The following GRIA4 variants were observed in gnomAD, a reference collection of about 807,000 sequenced individuals.
GRIA4 encodes the protein glutamate ionotropic receptor AMPA type subunit 4.
In GRIA4, 34 loss-of-function variants were observed where a neutral mutation model predicts 104.0. The ratio of observed to expected loss-of-function variants is 0.33; its 90% CI spans 0.25 to 0.44. The LOEUF (loss-of-function observed/expected upper bound fraction) is 0.44, where lower values mean the gene tolerates loss of function less well. Ranked by LOEUF, GRIA4 falls within the 20% of genes least tolerant of loss-of-function variation. The probability of loss-of-function intolerance (pLI) is 1.00; values close to 1 mark genes in which losing one functional copy is unlikely to be tolerated. For synonymous variants in GRIA4, 386 were observed against 381.9 expected, an observed-to-expected ratio of 1.01 and a Z score of -0.13; for missense variants, 750 against 1,096.5, an observed-to-expected ratio of 0.68 and a Z score of 4.46.
chr11:105,894,663 G>A (rs1591409952), intron 6 of GRIA4, among the ~76,000 whole-genome samples: 1 of 152,180 alleles, frequency 6.6e-6, no homozygotes, highest in East Asian at 1.9e-4. Context: ...GAGGAGGAGG[G>A]AGGGAAGAGG....
intron 6 of GRIA4, among the ~76,000 whole-genome samples, chr11:105,895,632 A>AGG (rs775592314): frequency 1.7e-4 from 25 of 151,400 alleles, no homozygotes; most frequent in African/African-American, 4.6e-4. Context: ...GGAGGGAGGG[A>AGG]GAGAGAGAGA....
chr11:105,786,610 T>G (rs1164434952), intron 4 of GRIA4, among the ~76,000 whole-genome samples: 1 of 152,186 alleles, frequency 6.6e-6, no homozygotes, highest in African/African-American at 2.4e-5. Flanking sequence ...AACCTAGTCT[T>G]TCCCTTCTAA....
At chr11:105,638,371 T>C (rs1004134322) in intron 3 of GRIA4, among the ~76,000 whole-genome samples, 2 of 152,140 alleles carry the variant, frequency 1.3e-5, no homozygotes, top group African/African-American at 4.8e-5. Context: ...CAGAGTGTAG[T>C]TGCAGCTACC....
intron 3 of GRIA4, among the ~76,000 whole-genome samples, chr11:105,628,609 T>C (rs1950951040): frequency 6.6e-6 from 1 of 152,206 alleles, no homozygotes; most frequent in Non-Finnish European, 1.5e-5. Context: ...GATTGTAAGT[T>C]TCCTGTGTCT....
chr11:105,904,416 C>T (rs1273814847), intron 8 of GRIA4, among the ~76,000 whole-genome samples: 1 of 152,144 alleles, frequency 6.6e-6, no homozygotes, highest in African/African-American at 2.4e-5. Context: ...GATAATATCA[C>T]CTGTCCTGCC....
At chr11:105,918,652 C>A in intron 10 of GRIA4, 60 bp from the exon 11 acceptor site, 1 of 820,558 alleles carries the variant, frequency 1.2e-6, no homozygotes, top group Non-Finnish European at 2.0e-6. Context: ...TGGAAAGTTA[C>A]ATAAGGTTTT....
At chr11:105,823,381 G>T (rs374133865) in intron 4 of GRIA4, among the ~76,000 whole-genome samples, 17 of 152,050 alleles carry the variant, frequency 1.1e-4, no homozygotes, top group Non-Finnish European at 1.0e-4. Flanking sequence ...TTAGGTTCTT[G>T]TGGAAAAAAA....
At chr11:105,737,517 C>G (rs1415710195) in intron 3 of GRIA4, among the ~76,000 whole-genome samples, 1 of 152,008 alleles carries the variant, frequency 6.6e-6, no homozygotes, top group Non-Finnish European at 1.5e-5. Context: ...ACATCGGTTA[C>G]TGCAATCTTA....
chr11:105,759,780 A>G (rs1940515391), intron 4 of GRIA4, among the ~76,000 whole-genome samples: 1 of 152,132 alleles, frequency 6.6e-6, no homozygotes, highest in African/African-American at 2.4e-5. Context: ...GTCTTCTTCC[A>G]CACATTGATC....
chr11:105,870,870 ATAG>A (rs1166487722), intron 5 of GRIA4, among the ~76,000 whole-genome samples: 1 of 152,104 alleles, frequency 6.6e-6, no homozygotes, highest in Non-Finnish European at 1.5e-5. Context: ...CGATGACAAC[ATAG>A]AGAATGAACC....
In GRIA4 at chr11:105,730,972, G is replaced by A. The variant is rs1282248124; in HGVS notation, c.248-22009G>A. On this transcript the variant is annotated intron_variant, in intron 3 of 16. Coordinates refer to ENST00000282499, the MANE Select transcript of GRIA4 (RefSeq NM_000829.4). The stretch of plus-strand genomic sequence containing the variant: ...CCCTCAGAACACAGGCCTGGGCAAA[G>A]ACTTCATGAGTAAAACACCAAAGGC... Among the ~76,000 whole-genome samples the A allele has an allele frequency of 2.0e-5, 3 of 152,126 alleles. No individual in the cohort carries two copies. In the East Asian group the frequency reaches 5.8e-4, roughly 29 times the overall value.
intron 4 of GRIA4, among the ~76,000 whole-genome samples, chr11:105,812,074 GAAA>G (rs779012215): frequency 6.6e-6 from 1 of 152,236 alleles, no homozygotes; most frequent in Non-Finnish European, 1.5e-5. Context: ...CAGGAGAAAA[GAAA>G]ACAGACAAAG....
chr11:105,935,466 A>G (rs944225685), intron 14 of GRIA4, among the ~76,000 whole-genome samples: 2 of 152,162 alleles, frequency 1.3e-5, no homozygotes, highest in Non-Finnish European at 2.9e-5. Flanking sequence ...TTCATCTTTG[A>G]GGGTTTATTT....
chr11:105,847,753 G>A (rs780885214), intron 4 of GRIA4, among the ~76,000 whole-genome samples: 1 of 152,130 alleles, frequency 6.6e-6, no homozygotes, highest in Non-Finnish European at 1.5e-5. Flanking sequence ...TTATATAATT[G>A]CTTGATTGTG....
At chr11:105,661,208 G>A (rs533761312) in intron 3 of GRIA4, among the ~76,000 whole-genome samples, 4 of 151,716 alleles carry the variant, frequency 2.6e-5, no homozygotes, top group Admixed American at 1.3e-4. Flanking sequence ...GGTCTGGAGA[G>A]AAAAGCATGG....
At position 105,910,496 on chromosome 11, in the gene GRIA4, A is replaced by T; in HGVS notation, c.1220A>T (p.Asn407Ile). Residue 407 changes from asparagine (N) to isoleucine (I), a missense_variant, in exon 10 of 17, where the codon AAT (asparagine) becomes ATT (isoleucine). Physicochemically the swap from Asn to Ile is moderately radical, Grantham distance 149. Coordinates refer to ENST00000282499, the MANE Select transcript of GRIA4 (RefSeq NM_000829.4). ...VLIQDVPTLG[N>I]DTAAIENRTV... is the part of the protein sequence containing the mutation. ...ATTCAAGATGTACCAACTCTTGGCA[A>T]TGACACAGCTGCTATTGAGAACAGA... 6.2e-7 allele frequency: 1 copy of T among 1,602,564 alleles called. No individual in the cohort carries two copies. The highest frequency in any genetic ancestry group is 8.5e-7 in the Non-Finnish European group (1 of 1,169,592).
chr11:105,685,959 C>A (rs924422495), intron 3 of GRIA4, among the ~76,000 whole-genome samples: 1 of 150,050 alleles, frequency 6.7e-6, no homozygotes, highest in South Asian at 2.1e-4. Flanking sequence ...GGCAAGGATG[C>A]GGATGTTGGA....
chr11:105,743,821 C>A (rs981916709), intron 3 of GRIA4, among the ~76,000 whole-genome samples: 5 of 152,160 alleles, frequency 3.3e-5, no homozygotes, highest in African/African-American at 1.2e-4. Flanking sequence ...AAGAAGTCAT[C>A]TTTCTGTCTT....
chr11:105,705,271 T>C (rs1953653137), intron 3 of GRIA4, among the ~76,000 whole-genome samples: 2 of 152,068 alleles, frequency 1.3e-5, no homozygotes, highest in South Asian at 4.1e-4. Context: ...AAATTCTAAA[T>C]AGACCAGGAA....
Sources: allele counts gnomAD v4.1 joint callset (sites outside exome capture counted in the v4.1 genomes callset), GRCh38; gene constraint gnomAD v4.1.1; transcripts MANE v1.5; gene names NCBI Gene and HGNC (gene_info 2026-07-23, HGNC 2026-07-21).